BMP6: variants seen among roughly 807,000 people sequenced by gnomAD.
The protein encoded by BMP6 is VG-1-R.
Under a neutral mutation model 54.1 loss-of-function variants are expected in BMP6, and 17 were observed. That is an observed-to-expected ratio of 0.31 (90% CI 0.22 to 0.47). BMP6 has a LOEUF of 0.47. Among genes scored for constraint, BMP6 ranks in the 20% least tolerant of loss-of-function variants. The pLI is 1.00. For synonymous variants in BMP6, 328 were observed against 291.2 expected (o/e 1.13, Z -1.28); for missense variants, 720 against 690.4 (o/e 1.04, Z -0.48).
intron 1 of BMP6, among the ~76,000 whole-genome samples, chr6:7,757,067 G>C (rs1234662434): frequency 1.3e-5 from 2 of 152,104 alleles, no homozygotes; most frequent in Admixed American, 1.3e-4. Context: ...TAGATGCCTT[G>C]GCCTTCCCAA....
At chr6:7,873,067 T>A (rs1759555083) in intron 4 of BMP6, among the ~76,000 whole-genome samples, 1 of 152,070 alleles carries the variant, frequency 6.6e-6, no homozygotes, top group South Asian at 2.1e-4. Flanking sequence ...TAGCCTCCAA[T>A]AGTGCTGGGA....
chr6:7,878,755 G>A (rs561160114), intron 4 of BMP6, among the ~76,000 whole-genome samples: 4 of 152,244 alleles, frequency 2.6e-5, no homozygotes, highest in Admixed American at 6.5e-5. Context: ...TGGCGCCTCT[G>A]GGGTGTACTG....
Position 7,726,889 on chromosome 6 carries a change from G to GCGCTCCGGCCT in BMP6, c.-59_-49dup. On this transcript the variant is annotated 5_prime_UTR_variant, in exon 1 of 7. Transcript: ENST00000283147. The stretch of plus-strand genomic sequence containing the variant: ...GCTCACGCCAAGGGCCACAGCGGCC[G>GCGCTCCGGCCT]CGCTCCGGCCTCGCTCCGCCGCTCC... The GCGCTCCGGCCT allele has an allele frequency of 9.9e-7, 1 of 1,008,650 alleles. No individual in the cohort carries two copies. Among genetic ancestry groups the GCGCTCCGGCCT allele is most frequent in the Non-Finnish European group, 1.2e-6 (1 of 840,058 alleles). The allele number at this position is 1,008,650 out of a possible 1,614,324, so 62.5% of individuals were successfully genotyped here. A position where few individuals can be genotyped will look rare whatever the true frequency, so the allele number is the denominator to read the frequency against.
At chr6:7,877,998 G>T (rs1374925407) in intron 4 of BMP6, among the ~76,000 whole-genome samples, 1 of 152,126 alleles carries the variant, frequency 6.6e-6, no homozygotes, top group South Asian at 2.1e-4. Context: ...AAGCATTGTG[G>T]TTGGCAGCCT....
chr6:7,767,272 C>A (rs1036865150), intron 1 of BMP6, among the ~76,000 whole-genome samples: 1 of 151,914 alleles, frequency 6.6e-6, no homozygotes, highest in African/African-American at 2.4e-5. Flanking sequence ...CAGCGCCTGG[C>A]GGAATAGTAT....
intron 1 of BMP6, among the ~76,000 whole-genome samples, chr6:7,738,833 T>TA (rs1561755436): frequency 6.6e-6 from 1 of 152,206 alleles, no homozygotes; most frequent in Non-Finnish European, 1.5e-5. Flanking sequence ...AGCTACACTT[T>TA]AAAGCATCTC....
At chr6:7,873,581 C>A (rs575540359) in intron 4 of BMP6, among the ~76,000 whole-genome samples, 2 of 152,096 alleles carry the variant, frequency 1.3e-5, no homozygotes, top group Non-Finnish European at 2.9e-5. Context: ...CTCCAGCCCC[C>A]CAGAGGCCAG....
rs148191100 is a variant in BMP6, at chr6:7,772,916, A to G, written c.664+45297A>G. ...TACTTTCATGCTTGACAGGACTGGG[A>G]CCCAATCTATCTCCTTGTGGTGCTT... On this transcript the variant is annotated intron_variant, in intron 1 of 6. Transcript: ENST00000283147. Among the ~76,000 whole-genome samples the G allele has an allele frequency of 9.2e-5, 14 of 152,176 alleles. No homozygotes were observed. The East Asian group carries it at 2.5e-3, about 27-fold the overall frequency.
Position 7,727,329 on chromosome 6 carries a change from C to T in BMP6, c.374C>T (p.Pro125Leu), listed in dbSNP as rs769021981. ...CAGCAGCTGCCTCGCGGAGAGCCCC[C>T]TCCCGGGCGACTGAAGTCCGCGCCC... ...QQQQLPRGEPPPGRLKSAPLF... is the reference protein window; with the variant it reads ...QQQQLPRGEPLPGRLKSAPLF... The change falls in exon 1 of 7, where the codon CCT becomes CTT. Residue 125 changes from proline (P) to leucine (L), a missense_variant. Pro to Leu is a moderately conservative substitution (Grantham distance 98). Around this residue, in one of 3 missense-constraint regions of BMP6, gnomAD observed 650 missense variants for 556.3 expected, o/e 1.17. Transcript: ENST00000283147. The T allele has an allele frequency of 1.8e-5, 29 of 1,609,522 alleles. No homozygotes were observed. The highest frequency in any genetic ancestry group is 1.1e-4 in the East Asian group (5 of 44,752).
intron 1 of BMP6, among the ~76,000 whole-genome samples, chr6:7,764,899 C>A (rs1027402943): frequency 1.3e-5 from 2 of 152,126 alleles, no homozygotes; most frequent in Non-Finnish European, 2.9e-5. Flanking sequence ...GCCTGGAGAT[C>A]TTCTTAGCTT....
At chr6:7,808,408 G>C (rs763362555) in intron 1 of BMP6, among the ~76,000 whole-genome samples, 14 of 152,120 alleles carry the variant, frequency 9.2e-5, no homozygotes, top group Non-Finnish European at 1.9e-4. Flanking sequence ...GAGCCTCTTG[G>C]GGGGGCGATC....
intron 1 of BMP6, among the ~76,000 whole-genome samples, chr6:7,806,061 A>G (rs1758342530): frequency 6.6e-6 from 1 of 152,186 alleles, no homozygotes; most frequent in African/African-American, 2.4e-5. Flanking sequence ...ATGTGGTTGG[A>G]TGTTTTTTAG....
chr6:7,841,684 G>A (rs1290058509), intron 1 of BMP6, among the ~76,000 whole-genome samples: 1 of 152,108 alleles, frequency 6.6e-6, no homozygotes, highest in Non-Finnish European at 1.5e-5. Context: ...AAGACCAGAC[G>A]GTAATGGGAT....
At chr6:7,732,899 A>AT (rs11333377) in intron 1 of BMP6, among the ~76,000 whole-genome samples, 27,488 of 148,026 alleles carry the variant, frequency 0.19, 2,841 homozygotes, top group African/African-American at 0.28. Flanking sequence ...CTAGGGAATG[A>AT]TTTTTTTTTT....
chr6:7,770,371 C>T (rs1276196612), intron 1 of BMP6, among the ~76,000 whole-genome samples: 1 of 152,116 alleles, frequency 6.6e-6, no homozygotes, highest in Non-Finnish European at 1.5e-5. Context: ...AGAAAAATCC[C>T]TTAAGGAATG....
intron 2 of BMP6, among the ~76,000 whole-genome samples, chr6:7,850,280 C>G (rs1759123415): frequency 6.6e-6 from 1 of 152,136 alleles, no homozygotes; most frequent in Non-Finnish European, 1.5e-5. Flanking sequence ...GTAGCTGGGA[C>G]TACAGGCGCC....
chr6:7,809,900 T>G (rs1439773880), intron 1 of BMP6, among the ~76,000 whole-genome samples: 3 of 152,166 alleles, frequency 2.0e-5, no homozygotes, highest in African/African-American at 7.2e-5. Flanking sequence ...TGAGTGAGAT[T>G]ATTAAAATAG....
At chr6:7,844,524 G>A (rs1228874181) in intron 1 of BMP6, among the ~76,000 whole-genome samples, 1 of 152,098 alleles carries the variant, frequency 6.6e-6, no homozygotes, top group Non-Finnish European at 1.5e-5. Flanking sequence ...ACCAGTAGGA[G>A]GAAGGCATAA....
intron 4 of BMP6, among the ~76,000 whole-genome samples, chr6:7,877,661 T>C (rs907604374): frequency 1.3e-5 from 2 of 152,052 alleles, no homozygotes; most frequent in African/African-American, 4.8e-5. Flanking sequence ...CTGCACGCTC[T>C]CTCCTGCTTC....
Sources: gnomAD v4.1 joint callset for allele counts (sites outside exome capture counted in the v4.1 genomes callset) on GRCh38, gnomAD v4.1.1 for gene constraint, gnomAD v4.1.1 regional missense constraint, MANE v1.5 for transcripts, NCBI Gene and HGNC (gene_info 2026-07-23, HGNC 2026-07-21) for gene names.